The following FAM107B variants were observed in gnomAD, a reference collection of about 807,000 sequenced individuals.
FAM107B encodes the protein protein FAM107B.
A neutral mutation model predicts 31.5 loss-of-function variants in FAM107B; 21 were observed. That is an observed-to-expected ratio of 0.67 (90% CI 0.47 to 0.96). The LOEUF (loss-of-function observed/expected upper bound fraction) is 0.96, where lower values mean the gene tolerates loss of function less well. Ranked by LOEUF, FAM107B falls within the 40% of genes least tolerant of loss-of-function variation. FAM107B has a pLI of 0.00. For missense variants in FAM107B, 452 were observed against 377.1 expected (o/e 1.20, Z -1.64); for synonymous variants, 157 against 141.5 (o/e 1.11, Z -0.78).
chr10:14,713,952 C>T (rs888379192), intron 1 of FAM107B, among the ~76,000 whole-genome samples: 4 of 152,090 alleles, frequency 2.6e-5, no homozygotes, highest in African/African-American at 9.7e-5. Context: ...ACTGCATGTT[C>T]TTACTTACAA....
rs1248839715 is a variant in FAM107B, at chr10:14,604,283, C to A, written c.469+63351G>T. The A allele has an allele frequency of 1.6e-5, 16 of 979,346 alleles. No homozygotes were observed. The East Asian group carries it at 1.4e-3, about 85-fold the overall frequency. 60.7% of individuals were successfully genotyped at this position (979,346 alleles called of 1,614,324 possible). A position where few individuals can be genotyped will look rare whatever the true frequency, so the allele number is the denominator to read the frequency against. On this transcript the variant is annotated intron_variant, in intron 2 of 4. Coordinates refer to ENST00000181796, the MANE Select transcript of FAM107B (RefSeq NM_031453.4). ...GCGCGCGGCTCCCTCCCAGCTCGCTCCCGGCGCCCGCGGCGGCGCCCAGCG... is the reference window on the plus strand; with the variant it reads ...GCGCGCGGCTCCCTCCCAGCTCGCTACCGGCGCCCGCGGCGGCGCCCAGCG...
At chr10:14,556,286 A>G (rs937695462) in intron 2 of FAM107B, 3 of 934,326 alleles carry the variant, frequency 3.2e-6, no homozygotes, top group Middle Eastern at 5.4e-4. Context: ...CAGTAATTTG[A>G]TATCGGAAAT....
intron 2 of FAM107B, among the ~76,000 whole-genome samples, chr10:14,601,150 ATGTC>A (rs1284448001): frequency 2.6e-5 from 4 of 152,204 alleles, no homozygotes; most frequent in Admixed American, 2.0e-4. Context: ...CGGGCACTGA[ATGTC>A]TGGTGAATGG....
intron 2 of FAM107B, among the ~76,000 whole-genome samples, chr10:14,567,849 T>C (rs191474988): frequency 1.3e-5 from 2 of 152,300 alleles, no homozygotes; most frequent in East Asian, 3.9e-4. Flanking sequence ...AGTGTCTTTT[T>C]AGGGTAACCT....
intron 1 of FAM107B, among the ~76,000 whole-genome samples, chr10:14,696,108 T>C (rs1039327317): frequency 6.6e-6 from 1 of 152,228 alleles, no homozygotes; most frequent in Admixed American, 6.5e-5. Flanking sequence ...TAACATTAGC[T>C]GTGGGTTTTT....
chr10:14,530,207 A>C, intron 3 of FAM107B, 125 bp downstream of exon 3: 1 of 1,060,698 alleles, frequency 9.4e-7, no homozygotes, highest in Non-Finnish European at 1.3e-6. Flanking sequence ...AGAAGGAATA[A>C]GAAAGCCTTA....
At chr10:14,688,288 TG>T in intron 1 of FAM107B, among the ~76,000 whole-genome samples, 1 of 152,342 alleles carries the variant, frequency 6.6e-6, no homozygotes, top group African/African-American at 2.4e-5. Context: ...TTTGAGGTTT[TG>T]GGACTCGGAC....
At chr10:14,648,059 C>T (rs1407770133) in intron 2 of FAM107B, among the ~76,000 whole-genome samples, 6 of 147,196 alleles carry the variant, frequency 4.1e-5, no homozygotes, top group African/African-American at 1.3e-4. Flanking sequence ...TTTGAAAAGA[C>T]GTGCCAAAAA....
chr10:14,683,950 C>T (rs1025453035), intron 1 of FAM107B, among the ~76,000 whole-genome samples: 2 of 152,164 alleles, frequency 1.3e-5, no homozygotes, highest in Non-Finnish European at 2.9e-5. Flanking sequence ...GTGTCTTAGG[C>T]CATTTGGGCT....
At chr10:14,684,169 T>A (rs1310949776) in intron 1 of FAM107B, among the ~76,000 whole-genome samples, 1 of 152,110 alleles carries the variant, frequency 6.6e-6, no homozygotes, top group Non-Finnish European at 1.5e-5. Context: ...CTGGCAACAA[T>A]GGCTAGGCAC....
At chr10:14,591,180 C>G (rs1251764990) in intron 2 of FAM107B, among the ~76,000 whole-genome samples, 1 of 152,046 alleles carries the variant, frequency 6.6e-6, no homozygotes, top group Non-Finnish European at 1.5e-5. Context: ...GAAAAAGATA[C>G]TCTCTATCAT....
chr10:14,694,809 ATGTC>A (rs1432621152), intron 1 of FAM107B, among the ~76,000 whole-genome samples: 2 of 152,172 alleles, frequency 1.3e-5, no homozygotes, highest in East Asian at 3.8e-4. Flanking sequence ...CTTTGGAGAA[ATGTC>A]TGTTCAGGTC....
At position 14,719,579 on chromosome 10, in the gene FAM107B, A is replaced by C. The variant is rs535729103; in HGVS notation, c.412-51888T>G. Among the ~76,000 whole-genome samples the C allele has an allele frequency of 2.4e-4, 37 of 152,362 alleles. No individual in the cohort carries two copies. The South Asian group carries it at 2.5e-3, about 10-fold the overall frequency. ...CCTCATCCTGTTCCTCCCATAGCAG[A>C]CATTTCCCATGCTCCCTTGCGTACG... On this transcript the variant is annotated intron_variant, in intron 1 of 4. Coordinates refer to ENST00000181796, the MANE Select transcript of FAM107B (RefSeq NM_031453.4).
chr10:14,725,025 CAT>C (rs1337245350), intron 1 of FAM107B, among the ~76,000 whole-genome samples: 2 of 152,198 alleles, frequency 1.3e-5, no homozygotes, highest in South Asian at 2.1e-4. Context: ...GAAATAGAAA[CAT>C]ATGATTTAGA....
intron 1 of FAM107B, chr10:14,723,473 A>G: frequency 1.8e-6 from 1 of 567,830 alleles, no homozygotes; most frequent in South Asian, 1.5e-5. Flanking sequence ...ATGACCTGTC[A>G]CGGGTGTTTA....
chr10:14,595,925 C>T (rs78927840), intron 2 of FAM107B, among the ~76,000 whole-genome samples: 2,627 of 152,270 alleles, frequency 0.017, 74 homozygotes, highest in African/African-American at 0.059. Flanking sequence ...CGTGGCCCTC[C>T]ACAACCACAG....
At chr10:14,644,599 T>A (rs1443222476) in intron 2 of FAM107B, among the ~76,000 whole-genome samples, 1 of 152,282 alleles carries the variant, frequency 6.6e-6, no homozygotes, top group Non-Finnish European at 1.5e-5. Context: ...ATTTGCCATA[T>A]GGCATTAACA....
At chr10:14,656,132 T>C (rs138581134) in intron 2 of FAM107B, among the ~76,000 whole-genome samples, 5 of 152,304 alleles carry the variant, frequency 3.3e-5, no homozygotes, top group African/African-American at 1.2e-4. Flanking sequence ...TCCTTTAATG[T>C]CTTTTCAACC....
At chr10:14,734,840 T>C (rs567390965) in intron 1 of FAM107B, among the ~76,000 whole-genome samples, 1 of 152,274 alleles carries the variant, frequency 6.6e-6, no homozygotes, top group African/African-American at 2.4e-5. Context: ...TGCTTTTAAA[T>C]AGTTCATTTG....
Sources: gnomAD v4.1 joint callset for allele counts (sites outside exome capture counted in the v4.1 genomes callset) on GRCh38, gnomAD v4.1.1 for gene constraint, MANE v1.5 for transcripts, NCBI Gene and HGNC (gene_info 2026-07-23, HGNC 2026-07-21) for gene names.